LDLRAD3: variants seen among roughly 807,000 people sequenced by gnomAD.
LDLRAD3 encodes the protein low density lipoprotein receptor class A domain containing 3, also known as low-density lipoprotein receptor class A domain-containing protein 3.
A neutral mutation model predicts 29.4 loss-of-function variants in LDLRAD3; 20 were observed. That is an observed-to-expected ratio of 0.68 (90% confidence interval 0.48 to 0.99). The LOEUF (loss-of-function observed/expected upper bound fraction) is 0.99. LDLRAD3 is among the 50% of genes least tolerant of loss of function. LDLRAD3 has a pLI of 0.00. For synonymous variants in LDLRAD3, 157 were observed against 192.7 expected (o/e 0.81, Z 1.53); for missense variants, 420 against 454.3 (o/e 0.92, Z 0.69).
intron 3 of LDLRAD3, among the ~76,000 whole-genome samples, chr11:36,083,320 C>T (rs1466195585): frequency 2.6e-5 from 4 of 152,134 alleles, no homozygotes; most frequent in African/African-American, 4.8e-5. Context: ...TCCTATTCAT[C>T]CCTTTTTGTA....
chr11:36,208,783 A>G (rs1431780565), intron 4 of LDLRAD3, among the ~76,000 whole-genome samples: 1 of 150,988 alleles, frequency 6.6e-6, no homozygotes, highest in Non-Finnish European at 1.5e-5. Context: ...AAAAAACACC[A>G]TGAGAACAAC....
intron 1 of LDLRAD3, among the ~76,000 whole-genome samples, chr11:35,947,197 C>T (rs1851067909): frequency 6.6e-6 from 1 of 152,158 alleles, no homozygotes; most frequent in Non-Finnish European, 1.5e-5. Flanking sequence ...CACTTATAAT[C>T]AAGTAATTTC....
intron 1 of LDLRAD3, among the ~76,000 whole-genome samples, chr11:36,007,236 GAGA>G (rs1406613638): frequency 6.6e-6 from 1 of 152,236 alleles, no homozygotes; most frequent in Non-Finnish European, 1.5e-5. Context: ...CTACTAGTGA[GAGA>G]AGGTGTAATT....
intron 4 of LDLRAD3, among the ~76,000 whole-genome samples, chr11:36,195,296 CAT>C (rs1855016118): frequency 1.3e-3 from 4 of 2,982 alleles, no homozygotes; most frequent in African/African-American, 5.2e-3. Flanking sequence ...TTTCTAGAAG[CAT>C]AGAAGCATCG....
chr11:36,112,987 TAC>T (rs1853625941), intron 4 of LDLRAD3, among the ~76,000 whole-genome samples: 4 of 132,604 alleles, frequency 3.0e-5, no homozygotes, highest in Non-Finnish European at 5.0e-5. Context: ...CAGTCAGTCA[TAC>T]ATGGAGTCAT....
At chr11:36,084,916 G>C (rs1464027070) in intron 3 of LDLRAD3, among the ~76,000 whole-genome samples, 4 of 152,228 alleles carry the variant, frequency 2.6e-5, no homozygotes, top group African/African-American at 9.6e-5. Flanking sequence ...TAATACATCT[G>C]TGTACGTTAG....
At chr11:36,217,318 G>A (rs1855366678) in intron 4 of LDLRAD3, among the ~76,000 whole-genome samples, 1 of 152,058 alleles carries the variant, frequency 6.6e-6, no homozygotes. Flanking sequence ...AGCCCTGAGT[G>A]GGGTTCCAAG....
At chr11:35,946,521 A>G (rs1245779891) in intron 1 of LDLRAD3, among the ~76,000 whole-genome samples, 2 of 152,062 alleles carry the variant, frequency 1.3e-5, no homozygotes, top group East Asian at 1.9e-4. Context: ...CACCGTTACT[A>G]TTTTTTAATG....
chr11:36,008,187 G>T (rs147165808), intron 1 of LDLRAD3, among the ~76,000 whole-genome samples: 43 of 152,310 alleles, frequency 2.8e-4, no homozygotes, highest in African/African-American at 1.0e-3. Flanking sequence ...TTTGTCATTT[G>T]TAAAGAACAC....
At chr11:36,109,336 G>A (rs1175553309) in intron 4 of LDLRAD3, among the ~76,000 whole-genome samples, 5 of 151,926 alleles carry the variant, frequency 3.3e-5, no homozygotes, top group East Asian at 1.9e-4. Flanking sequence ...CCCATGGGCC[G>A]TGGGAAGCCA....
chr11:36,204,784 G>A (rs1022098700), intron 4 of LDLRAD3, among the ~76,000 whole-genome samples: 4 of 152,050 alleles, frequency 2.6e-5, no homozygotes, highest in African/African-American at 7.2e-5. Flanking sequence ...CCACAGTGCC[G>A]GCCTGGAGTT....
intron 1 of LDLRAD3, among the ~76,000 whole-genome samples, chr11:36,018,156 G>T (rs1852047805): frequency 6.6e-6 from 1 of 152,168 alleles, no homozygotes; most frequent in Non-Finnish European, 1.5e-5. Context: ...AATGAGTTAG[G>T]TGTTTGTAAA....
chr11:35,989,484 G>A (rs1365773804), intron 1 of LDLRAD3, among the ~76,000 whole-genome samples: 1 of 152,130 alleles, frequency 6.6e-6, no homozygotes, highest in Non-Finnish European at 1.5e-5. Flanking sequence ...TTTTAACAAT[G>A]TTGATTATTC....
At chr11:35,982,171 A>T (rs1251237924) in intron 1 of LDLRAD3, among the ~76,000 whole-genome samples, 1 of 152,164 alleles carries the variant, frequency 6.6e-6, no homozygotes. Context: ...GTTCTACATC[A>T]AAGTGTCTGC....
At chr11:36,190,038 A>G (rs554119663) in intron 4 of LDLRAD3, among the ~76,000 whole-genome samples, 1 of 146,328 alleles carries the variant, frequency 6.8e-6, no homozygotes, top group East Asian at 2.1e-4. Context: ...AACCTTGAAT[A>G]TGAAAGACAG....
At chr11:36,227,545 A>T in intron 5 of LDLRAD3, 115 bp downstream of exon 5, 1 of 725,282 alleles carries the variant, frequency 1.4e-6, no homozygotes, top group South Asian at 2.2e-5. Context: ...CAGCTGCTAT[A>T]GGCAGTGGCA....
chr11:36,018,898 A>T (rs534862355), intron 1 of LDLRAD3, among the ~76,000 whole-genome samples: 1 of 151,882 alleles, frequency 6.6e-6, no homozygotes, highest in Non-Finnish European at 1.5e-5. Flanking sequence ...CGTTTTCTTT[A>T]TTCATTTTTT....
intron 1 of LDLRAD3, among the ~76,000 whole-genome samples, chr11:35,966,011 T>C (rs1160278631): frequency 6.6e-6 from 1 of 152,234 alleles, no homozygotes; most frequent in Non-Finnish European, 1.5e-5. Flanking sequence ...CCTACTGAAT[T>C]CTCTTACCCT....
chr11:36,209,353 C>CTT (rs71044560), intron 4 of LDLRAD3, among the ~76,000 whole-genome samples: 3,199 of 68,598 alleles, frequency 0.047, 248 homozygotes, highest in East Asian at 0.15. Flanking sequence ...AGAAACTGTA[C>CTT]TTTTTTTTTT....
Sources: gnomAD v4.1 joint callset for allele counts (sites outside exome capture counted in the v4.1 genomes callset) on GRCh38, gnomAD v4.1.1 for gene constraint, MANE v1.5 for transcripts, NCBI Gene and HGNC (gene_info 2026-07-23, HGNC 2026-07-21) for gene names.